Variants in WDR49 observed in about 807,000 individuals in gnomAD.
WDR49 encodes cilia- and flagella-associated protein 337.
Under a neutral mutation model 119.5 loss-of-function variants are expected in WDR49, and 107 were observed. That is an observed-to-expected ratio of 0.90 (90% CI 0.77 to 1.05). The LOEUF (loss-of-function observed/expected upper bound fraction) is 1.05, where lower values mean the gene tolerates loss of function less well. Among genes scored for constraint, WDR49 ranks in the 50% least tolerant of loss-of-function variants. WDR49 has a pLI of 0.00. For synonymous variants in WDR49, 425 were observed against 418.8 expected (o/e 1.01, Z -0.18); for missense variants, 1,240 against 1,220.5 (o/e 1.02, Z -0.24).
chr3:167,558,246 A>G (rs1330667527), intron 9 of WDR49, among the ~76,000 whole-genome samples: 1 of 152,204 alleles, frequency 6.6e-6, no homozygotes, highest in East Asian at 1.9e-4. Flanking sequence ...ATATTTCAAA[A>G]ATTTTATTTT....
At chr3:167,519,008 A>G (rs1002036738) in intron 16 of WDR49, among the ~76,000 whole-genome samples, 14 of 152,092 alleles carry the variant, frequency 9.2e-5, no homozygotes, top group African/African-American at 3.4e-4. Flanking sequence ...TATGCAACCA[A>G]CAAACAAATG....
intron 10 of WDR49, among the ~76,000 whole-genome samples, chr3:167,546,985 A>C (rs1712244399): frequency 6.6e-6 from 1 of 151,836 alleles, no homozygotes; most frequent in African/African-American, 2.4e-5. Context: ...TTTTCCCAAA[A>C]TTTGTAGAGT....
intron 16 of WDR49, among the ~76,000 whole-genome samples, chr3:167,509,769 A>C (rs543234164): frequency 1.3e-5 from 2 of 152,204 alleles, no homozygotes; most frequent in Admixed American, 1.3e-4. Flanking sequence ...CTGTTTTCCC[A>C]GTTAAAATTT....
intron 5 of WDR49, among the ~76,000 whole-genome samples, chr3:167,615,334 C>T (rs1387263210): frequency 2.6e-5 from 4 of 151,838 alleles, no homozygotes; most frequent in African/African-American, 9.7e-5. Flanking sequence ...CAGGGTTTCA[C>T]CATGTTGCTC....
chr3:167,486,650 G>C (rs1363948483), intron 18 of WDR49, among the ~76,000 whole-genome samples: 1 of 151,730 alleles, frequency 6.6e-6, no homozygotes, highest in Non-Finnish European at 1.5e-5. Context: ...AATTAAGAAG[G>C]GCATATGCAT....
chr3:167,479,763 ATAT>A (rs1405303482), intron 18 of WDR49, among the ~76,000 whole-genome samples: 3 of 152,200 alleles, frequency 2.0e-5, no homozygotes, highest in Non-Finnish European at 4.4e-5. Flanking sequence ...CATGTAAAAG[ATAT>A]TATAACAATA....
chr3:167,575,143 C>T, intron 8 of WDR49: 9 of 985,348 alleles, frequency 9.1e-6, no homozygotes, highest in Non-Finnish European at 1.1e-5. Flanking sequence ...TGCTTGGCTC[C>T]TGCTGTGCTG....
chr3:167,654,174 C>T (rs1718513439), upstream of WDR49, among the ~76,000 whole-genome samples: 1 of 151,888 alleles, frequency 6.6e-6, no homozygotes, highest in Non-Finnish European at 1.5e-5. Context: ...ACAACTTTTA[C>T]CATTATATAG....
intron 16 of WDR49, among the ~76,000 whole-genome samples, chr3:167,514,289 A>G (rs1577209203): frequency 6.6e-6 from 1 of 152,184 alleles, no homozygotes; most frequent in Non-Finnish European, 1.5e-5. Context: ...TTAGAACTCA[A>G]TATTAAGAAA....
At chr3:167,649,740 T>C (rs1395535861) in intron 2 of WDR49, among the ~76,000 whole-genome samples, 1 of 152,190 alleles carries the variant, frequency 6.6e-6, no homozygotes, top group Non-Finnish European at 1.5e-5. Context: ...CTAAAACTAT[T>C]TGGCCCTTCC....
In WDR49 at chr3:167,528,011, A is replaced by G. The variant is rs945930972; in HGVS notation, c.2413T>C (p.Cys805Arg). 1 of 1,611,124 alleles carries G rather than the reference A, an allele frequency of 6.2e-7. No homozygotes were observed. The highest frequency in any genetic ancestry group is 1.7e-5 in the Admixed American group (1 of 59,708). The change falls in exon 15 of 19, where the codon TGT (cysteine) becomes CGT (arginine). Residue 805 changes from cysteine to arginine, a missense_variant. Coordinates refer to ENST00000682715, the MANE Select transcript of WDR49 (RefSeq NM_001366157.1). ...ATTTTGTTCTTACTGGAGTTAAGACAGTACTCCTGAATGAAAAGAAATACC... is the reference window on the plus strand; with the variant it reads ...ATTTTGTTCTTACTGGAGTTAAGACGGTACTCCTGAATGAAAAGAAATACC... ...WLKIWNIEEYCLNSSKNKITK... is the reference protein window; with the variant it reads ...WLKIWNIEEYRLNSSKNKITK...
At chr3:167,625,427 T>C (rs953805968) in intron 3 of WDR49, among the ~76,000 whole-genome samples, 1 of 152,098 alleles carries the variant, frequency 6.6e-6, no homozygotes, top group Non-Finnish European at 1.5e-5. Flanking sequence ...TTGTTTATCT[T>C]TAGAGAATAT....
At chr3:167,639,760 C>A (rs561871920) in intron 2 of WDR49, among the ~76,000 whole-genome samples, 1 of 151,874 alleles carries the variant, frequency 6.6e-6, no homozygotes, top group East Asian at 1.9e-4. Context: ...AACCAAAGAT[C>A]CAACTTCAAC....
At chr3:167,529,599 A>C (rs1299287596) in intron 13 of WDR49, among the ~76,000 whole-genome samples, 1 of 152,128 alleles carries the variant, frequency 6.6e-6, no homozygotes, top group Non-Finnish European at 1.5e-5. Context: ...TCATTATATA[A>C]AATTAATCTT....
chr3:167,561,036 G>T (rs914945645), intron 8 of WDR49, among the ~76,000 whole-genome samples: 17 of 152,138 alleles, frequency 1.1e-4, no homozygotes, highest in African/African-American at 3.9e-4. Flanking sequence ...GCATAGCTAG[G>T]AAGTTCTCTA....
At position 167,531,863 on chromosome 3, in the gene WDR49, G is replaced by A. The variant is rs112455098; in HGVS notation, c.2054-584C>T. On this transcript the variant is annotated intron_variant, in intron 12 of 18. Transcript: ENST00000682715. ...ATAGTTATGAAAAATCTATACAGAC[G>A]TATTTTCAAAATTCCAAAATAAGAA... Among the ~76,000 whole-genome samples the A allele has an allele frequency of 4.7e-3, 717 of 152,146 alleles. 6 individuals are homozygous for A. Among genetic ancestry groups the A allele is most frequent in the African/African-American group, 0.016 (676 of 41,520 alleles).
rs797012891 is a variant in WDR49 at position 167,547,395 on chromosome 3, GT to G, written c.1823+7254del. Among the ~76,000 whole-genome samples, 3 of 151,612 alleles carry G rather than the reference GT, an allele frequency of 2.0e-5. No homozygotes were observed. In the East Asian group the frequency reaches 5.8e-4, roughly 30 times the overall value. On this transcript the variant is annotated intron_variant, in intron 10 of 18. Coordinates refer to ENST00000682715, the MANE Select transcript of WDR49 (RefSeq NM_001366157.1). ...CATTTAAAATTATATGAAAGATTCT[GT>G]TTTTTTATGAATAGAAAAAAATCTT...
Position 167,549,819 on chromosome 3 carries a change from G to C in WDR49, c.1823+4831C>G, listed in dbSNP as rs140910521. Among the ~76,000 whole-genome samples, 577 of 152,156 alleles carry C rather than the reference G, an allele frequency of 3.8e-3. 3 individuals carry two copies. Among genetic ancestry groups the C allele is most frequent in the African/African-American group, 0.013 (546 of 41,502 alleles). On this transcript the variant is annotated intron_variant, in intron 10 of 18. Transcript: ENST00000682715. ...CCAGGTTTTCTTCCAGGATGTTTACGGTTTTAGGTCTAACATTTAAGTCTT... is the reference window on the plus strand; with the variant it reads ...CCAGGTTTTCTTCCAGGATGTTTACCGTTTTAGGTCTAACATTTAAGTCTT...
chr3:167,615,443 T>TAAAAAAAA (rs57991972), intron 5 of WDR49, among the ~76,000 whole-genome samples: 5 of 135,098 alleles, frequency 3.7e-5, no homozygotes, highest in Non-Finnish European at 4.8e-5. Context: ...GCTCTCCATT[T>TAAAAAAAA]AAAAAAAAAA....
Sources: gnomAD v4.1 joint callset for allele counts (sites outside exome capture counted in the v4.1 genomes callset) on GRCh38, gnomAD v4.1.1 for gene constraint, MANE v1.5 for transcripts, NCBI Gene and HGNC (gene_info 2026-07-23, HGNC 2026-07-21) for gene names.